Variants in TBCK observed in about 807,000 individuals in gnomAD.
TBCK encodes the protein TBC domain-containing protein kinase-like protein.
A neutral mutation model predicts 113.4 loss-of-function variants in TBCK; 99 were observed. That is an observed-to-expected ratio of 0.87 (90% confidence interval 0.74 to 1.03). The LOEUF (loss-of-function observed/expected upper bound fraction) is 1.03. Among genes scored for constraint, TBCK ranks in the 50% least tolerant of loss-of-function variants. The pLI is 0.00. For missense variants in TBCK, 1,045 were observed against 1,061.3 expected (o/e 0.98, Z 0.21); for synonymous variants, 369 against 370.8 (o/e 1.00, Z 0.05).
chr4:106,157,990 A>G lies in TBCK; in HGVS notation c.2235+13105T>C, dbSNP rs538519973. On this transcript the variant is annotated intron_variant, in intron 23 of 25. Transcript: ENST00000394708. ...GAGGCCTTAAAGCAGAAGTATGTATAGGGTATACCTAAAACTGAACGAAAT... is the reference window on the plus strand; with the variant it reads ...GAGGCCTTAAAGCAGAAGTATGTATGGGGTATACCTAAAACTGAACGAAAT... Among the ~76,000 whole-genome samples the G allele has an allele frequency of 9.8e-5, 15 of 152,304 alleles. No homozygotes were observed. In the South Asian group the frequency reaches 3.1e-3, roughly 32 times the overall value.
intron 20 of TBCK, among the ~76,000 whole-genome samples, chr4:106,204,923 G>A (rs377029744): frequency 4.0e-4 from 60 of 150,804 alleles, no homozygotes; most frequent in Admixed American, 2.9e-3. Context: ...CCGCCACCGC[G>A]CCCGGCTAAT....
chr4:106,183,995 T>C (rs1752718253), intron 22 of TBCK, among the ~76,000 whole-genome samples: 1 of 152,062 alleles, frequency 6.6e-6, no homozygotes, highest in Non-Finnish European at 1.5e-5. Flanking sequence ...ATTCTAAATA[T>C]GCCAAGAGCA....
At chr4:106,099,902 T>G (rs575161570) in intron 24 of TBCK, among the ~76,000 whole-genome samples, 1 of 152,312 alleles carries the variant, frequency 6.6e-6, no homozygotes, top group South Asian at 2.1e-4. Context: ...TCTGAGAAAC[T>G]TTCTATGACT....
intron 25 of TBCK, among the ~76,000 whole-genome samples, chr4:106,085,578 G>A (rs1344473964): frequency 3.3e-5 from 5 of 152,134 alleles, no homozygotes; most frequent in East Asian, 1.9e-4. Flanking sequence ...AGGATATTCA[G>A]GACTTGAACT....
chr4:106,092,867 T>C (rs1420417032), intron 25 of TBCK, among the ~76,000 whole-genome samples: 1 of 152,184 alleles, frequency 6.6e-6, no homozygotes, highest in African/African-American at 2.4e-5. Flanking sequence ...GAAGGGCTCC[T>C]CAAGTGCAGC....
chr4:106,051,673 A>G (rs953637797), intron 25 of TBCK, among the ~76,000 whole-genome samples: 2 of 151,832 alleles, frequency 1.3e-5, no homozygotes, highest in Non-Finnish European at 2.9e-5. Flanking sequence ...GATGCTTCAC[A>G]CAAATTAGGT....
chr4:106,197,411 G>GTGTATATATA (rs35695611), intron 20 of TBCK, among the ~76,000 whole-genome samples: 7,823 of 122,164 alleles, frequency 0.064, 359 homozygotes, highest in South Asian at 0.11. Context: ...GTGTGTGTGT[G>GTGTATATATA]TATATATATA....
intron 3 of TBCK, among the ~76,000 whole-genome samples, chr4:106,263,217 C>T (rs1762660505): frequency 6.6e-6 from 1 of 151,360 alleles, no homozygotes; most frequent in Non-Finnish European, 1.5e-5. Flanking sequence ...TTAGTGTTTG[C>T]AGATAGCCAC....
chr4:106,232,779 T>A (rs1015629598), intron 17 of TBCK, among the ~76,000 whole-genome samples, 159 bp downstream of exon 17: 3 of 152,076 alleles, frequency 2.0e-5, no homozygotes, highest in South Asian at 2.1e-4. Context: ...CAAAGATTTT[T>A]AAAAATGTTT....
At chr4:106,189,466 G>C (rs1210610305) in intron 22 of TBCK, among the ~76,000 whole-genome samples, 1 of 151,842 alleles carries the variant, frequency 6.6e-6, no homozygotes, top group Non-Finnish European at 1.5e-5. Flanking sequence ...TTACAGGCTT[G>C]ACAATACAAA....
rs557779096 is a variant in TBCK, at chr4:106,122,914, A to G, written c.2236-6536T>C. ...GCTATCTATGACAAACCCACAGCCA[A>G]TATCATACTGAATGGGCAAAAACTG... is the stretch of plus-strand genomic sequence containing the variant. On this transcript the variant is annotated intron_variant, in intron 23 of 25. Transcript: ENST00000394708. Among the ~76,000 whole-genome samples the G allele has an allele frequency of 5.3e-5, 8 of 152,338 alleles. No individual in the cohort carries two copies. In the South Asian group the frequency reaches 1.7e-3, roughly 32 times the overall value.
chr4:106,282,140 G>C (rs1438510843), intron 3 of TBCK, among the ~76,000 whole-genome samples: 1 of 151,988 alleles, frequency 6.6e-6, no homozygotes, highest in African/African-American at 2.4e-5. Flanking sequence ...TTGGTAGGTT[G>C]CATGTGTCTA....
chr4:106,198,252 T>C (rs1208938021), intron 20 of TBCK, among the ~76,000 whole-genome samples: 2 of 152,170 alleles, frequency 1.3e-5, no homozygotes, highest in African/African-American at 2.4e-5. Context: ...AAAACTAATG[T>C]CTGTCTTAAC....
intron 19 of TBCK, among the ~76,000 whole-genome samples, chr4:106,228,899 A>G (rs568035755): frequency 6.6e-6 from 1 of 152,162 alleles, no homozygotes; most frequent in Admixed American, 6.6e-5. Context: ...CATCCTCACC[A>G]GCATTTGTTA....
intron 5 of TBCK, among the ~76,000 whole-genome samples, chr4:106,252,229 C>T (rs1040512782): frequency 2.0e-5 from 3 of 151,968 alleles, no homozygotes; most frequent in Non-Finnish European, 2.9e-5. Flanking sequence ...ACCTTCATGT[C>T]TCCCTCCAGC....
intron 25 of TBCK, among the ~76,000 whole-genome samples, chr4:106,080,900 C>T (rs745892955): frequency 3.9e-5 from 6 of 152,096 alleles, no homozygotes; most frequent in Admixed American, 1.3e-4. Context: ...ATTCACACAG[C>T]CAACGAACGT....
intron 3 of TBCK, among the ~76,000 whole-genome samples, chr4:106,294,631 A>G (rs1295124805): frequency 6.6e-6 from 1 of 151,794 alleles, no homozygotes; most frequent in Non-Finnish European, 1.5e-5. Context: ...ACAGGTGCCC[A>G]CCACCACGTC....
intron 25 of TBCK, among the ~76,000 whole-genome samples, chr4:106,076,664 C>A (rs1738230288): frequency 6.6e-6 from 1 of 152,140 alleles, no homozygotes; most frequent in Admixed American, 6.5e-5. Context: ...GCTCAGTAGA[C>A]CTTTCCGCAG....
At chr4:106,098,787 A>T (rs1357918251) in intron 24 of TBCK, among the ~76,000 whole-genome samples, 2 of 152,096 alleles carry the variant, frequency 1.3e-5, no homozygotes, top group Non-Finnish European at 2.9e-5. Context: ...TACACTATAT[A>T]TCTTACCCTG....
Sources: gnomAD v4.1 joint callset for allele counts (sites outside exome capture counted in the v4.1 genomes callset) on GRCh38, gnomAD v4.1.1 for gene constraint, MANE v1.5 for transcripts, NCBI Gene and HGNC (gene_info 2026-07-23, HGNC 2026-07-21) for gene names.